Variants in KCTD8 observed in about 807,000 individuals in gnomAD.
The protein encoded by KCTD8 is BTB/POZ domain-containing protein KCTD8.
Under a neutral mutation model 31.5 loss-of-function variants are expected in KCTD8, and 27 were observed. The observed-to-expected ratio is 0.86, with a 90% CI of 0.63 to 1.18. KCTD8 has a LOEUF of 1.18. Ranked by LOEUF, KCTD8 falls within the 50% of genes most tolerant of loss-of-function variation. The pLI, the probability that KCTD8 is intolerant of heterozygous loss-of-function variation, is 0.00. For synonymous variants in KCTD8, 290 were observed against 280.0 expected (o/e 1.04, Z -0.36); for missense variants, 658 against 647.7 (o/e 1.02, Z -0.17).
At chr4:44,276,390 A>G (rs1376214522) in intron 1 of KCTD8, among the ~76,000 whole-genome samples, 1 of 152,006 alleles carries the variant, frequency 6.6e-6, no homozygotes, top group Non-Finnish European at 1.5e-5. Flanking sequence ...TCTAAGTTAT[A>G]TAGTTGGCCT....
intron 1 of KCTD8, among the ~76,000 whole-genome samples, chr4:44,177,381 C>T (rs1470639909): frequency 1.3e-5 from 2 of 152,134 alleles, no homozygotes; most frequent in Non-Finnish European, 2.9e-5. Flanking sequence ...TTCTCTTCTC[C>T]TTCCCTCTTC....
intron 1 of KCTD8, among the ~76,000 whole-genome samples, chr4:44,283,032 T>C (rs956911700): frequency 0.016 from 790 of 50,802 alleles, 8 homozygotes; most frequent in Non-Finnish European, 0.022. Flanking sequence ...CATTTTATTA[T>C]TATTATTATT....
At chr4:44,204,654 T>C (rs1714251348) in intron 1 of KCTD8, among the ~76,000 whole-genome samples, 1 of 152,158 alleles carries the variant, frequency 6.6e-6, no homozygotes, top group South Asian at 2.1e-4. Flanking sequence ...CCCTTCCTTC[T>C]TTAACTAGGT....
chr4:44,245,285 T>C (rs1307409806), intron 1 of KCTD8, among the ~76,000 whole-genome samples: 2 of 151,892 alleles, frequency 1.3e-5, no homozygotes, highest in East Asian at 1.9e-4. Flanking sequence ...TTAAAATATA[T>C]AAAATATTAG....
intron 1 of KCTD8, among the ~76,000 whole-genome samples, chr4:44,278,419 T>C (rs1716811446): frequency 6.6e-6 from 1 of 152,058 alleles, no homozygotes; most frequent in South Asian, 2.1e-4. Flanking sequence ...CTTAATAGGA[T>C]AGCAATGCCT....
chr4:44,427,004 A>G (rs951955373), intron 1 of KCTD8, among the ~76,000 whole-genome samples: 5 of 151,754 alleles, frequency 3.3e-5, no homozygotes, highest in South Asian at 4.1e-4. Context: ...TAGTACAAAA[A>G]TGCACCAATT....
intron 1 of KCTD8, among the ~76,000 whole-genome samples, chr4:44,320,535 A>G (rs1718267685): frequency 6.6e-6 from 1 of 152,212 alleles, no homozygotes; most frequent in South Asian, 2.1e-4. Context: ...ATATTGTGAA[A>G]TAAAGCATCA....
chr4:44,279,280 A>G (rs373771724), intron 1 of KCTD8, among the ~76,000 whole-genome samples: 94 of 152,194 alleles, frequency 6.2e-4, no homozygotes, highest in African/African-American at 2.0e-3. Context: ...AAGTCTCACA[A>G]GGATGAAACC....
chr4:44,377,679 G>C (rs1041114050), intron 1 of KCTD8, among the ~76,000 whole-genome samples: 1 of 152,160 alleles, frequency 6.6e-6, no homozygotes, highest in African/African-American at 2.4e-5. Flanking sequence ...AAGGAAAGGA[G>C]AAAAGTCACT....
intron 1 of KCTD8, among the ~76,000 whole-genome samples, chr4:44,371,691 G>A (rs1317679928): frequency 6.6e-6 from 1 of 152,102 alleles, no homozygotes; most frequent in Non-Finnish European, 1.5e-5. Flanking sequence ...TGTTAAAAGT[G>A]GTTCTCTCTA....
rs182323317 is a variant in KCTD8 at position 44,217,528 on chromosome 4, G to C, written c.962-42278C>G. On this transcript the variant is annotated intron_variant, in intron 1 of 1. Transcript: ENST00000360029. The stretch of plus-strand genomic sequence containing the variant: ...TAGATTGAAGGACGCCTAGATAGCT[G>C]GTGAAGTATTGTTTCCGGGTGTGTC... Among the ~76,000 whole-genome samples, 523 of 152,266 alleles carry C rather than the reference G, an allele frequency of 3.4e-3. 3 individuals are homozygous for C. Among genetic ancestry groups the C allele is most frequent in the African/African-American group, 0.012 (504 of 41,560 alleles).
intron 1 of KCTD8, among the ~76,000 whole-genome samples, chr4:44,403,809 A>T (rs13139580): frequency 0.19 from 29,608 of 152,144 alleles, 3,658 homozygotes; most frequent in Non-Finnish European, 0.27. Flanking sequence ...AACAGGTACT[A>T]AGAGTACGGA....
intron 1 of KCTD8, among the ~76,000 whole-genome samples, chr4:44,270,223 G>A (rs1260894645): frequency 2.0e-5 from 3 of 151,896 alleles, no homozygotes; most frequent in African/African-American, 7.3e-5. Flanking sequence ...AAAAAATGAT[G>A]AGTTCATGTC....
At chr4:44,346,239 A>G (rs1352153228) in intron 1 of KCTD8, among the ~76,000 whole-genome samples, 1 of 152,216 alleles carries the variant, frequency 6.6e-6, no homozygotes, top group Admixed American at 6.5e-5. Context: ...CCTTAGGATC[A>G]TAAGATCATT....
intron 1 of KCTD8, among the ~76,000 whole-genome samples, chr4:44,205,456 T>C (rs1714275401): frequency 6.6e-6 from 1 of 152,180 alleles, no homozygotes; most frequent in African/African-American, 2.4e-5. Context: ...TCACATCACA[T>C]ACAAAAATAT....
intron 1 of KCTD8, among the ~76,000 whole-genome samples, chr4:44,334,146 T>C (rs1194800489): frequency 6.6e-6 from 1 of 152,104 alleles, no homozygotes. Flanking sequence ...TACCATAAAT[T>C]TTTTATTCCA....
chr4:44,340,433 G>A (rs1718865795), intron 1 of KCTD8, among the ~76,000 whole-genome samples: 1 of 151,276 alleles, frequency 6.6e-6, no homozygotes, highest in South Asian at 2.1e-4. Flanking sequence ...CGAGTAGCTG[G>A]GACTACAGGT....
At chr4:44,397,658 T>C (rs1344257018) in intron 1 of KCTD8, among the ~76,000 whole-genome samples, 2 of 152,180 alleles carry the variant, frequency 1.3e-5, no homozygotes, top group Non-Finnish European at 2.9e-5. Flanking sequence ...ATTTTTCTTT[T>C]TCTTCCAACA....
At chr4:44,349,120 T>C (rs1339824741) in intron 1 of KCTD8, among the ~76,000 whole-genome samples, 4 of 144,930 alleles carry the variant, frequency 2.8e-5, no homozygotes, top group East Asian at 2.3e-4. Flanking sequence ...ATCATCATCA[T>C]TTACCAACAG....
Sources: gnomAD v4.1 joint callset for allele counts (sites outside exome capture counted in the v4.1 genomes callset) on GRCh38, gnomAD v4.1.1 for gene constraint, MANE v1.5 for transcripts, NCBI Gene and HGNC (gene_info 2026-07-23, HGNC 2026-07-21) for gene names.